Variants in STAG1 observed in about 807,000 individuals in gnomAD.
The protein encoded by STAG1 is cohesin subunit SA-1.
In STAG1, 26 loss-of-function variants were observed where a neutral mutation model predicts 170.9. The observed-to-expected ratio is 0.15, with a 90% CI of 0.11 to 0.21. The LOEUF (loss-of-function observed/expected upper bound fraction) is 0.21, where lower values mean the gene tolerates loss of function less well. Ranked by LOEUF, STAG1 falls within the 10% of genes least tolerant of loss-of-function variation. The pLI, the probability that STAG1 is intolerant of heterozygous loss-of-function variation, is 1.00. For synonymous variants in STAG1, 514 were observed against 497.7 expected, an observed-to-expected ratio of 1.03 and a Z score of -0.44; for missense variants, 964 against 1,509.5, an observed-to-expected ratio of 0.64 and a Z score of 5.99.
At chr3:136,568,921 A>G in intron 4 of STAG1, 60 bp from the exon 5 acceptor site, 1 of 1,285,242 alleles carries the variant, frequency 7.8e-7, no homozygotes, top group African/African-American at 1.5e-5. Context: ...TAGCAAATAA[A>G]TTTTCAAAAA....
chr3:136,660,120 T>G (rs1380242568), intron 1 of STAG1, among the ~76,000 whole-genome samples: 3 of 152,234 alleles, frequency 2.0e-5, no homozygotes, highest in Non-Finnish European at 4.4e-5. Context: ...ATGACAAATG[T>G]GGAGGCAAAC....
intron 1 of STAG1, among the ~76,000 whole-genome samples, chr3:136,750,624 G>A (rs1935179019): frequency 6.6e-6 from 1 of 152,186 alleles, no homozygotes. Flanking sequence ...TTGTGAAAAT[G>A]ACCACTGGTA....
chr3:136,395,009 G>T (rs2087111819), intron 22 of STAG1, among the ~76,000 whole-genome samples: 1 of 151,256 alleles, frequency 6.6e-6, no homozygotes, highest in African/African-American at 2.4e-5. Context: ...CTACTTCAGG[G>T]GCTGAGGTGG....
intron 12 of STAG1, among the ~76,000 whole-genome samples, chr3:136,467,825 C>T (rs1408939213): frequency 6.6e-6 from 1 of 152,180 alleles, no homozygotes; most frequent in Non-Finnish European, 1.5e-5. Flanking sequence ...GACCACAGTG[C>T]AATCAAACTA....
chr3:136,730,843 T>C (rs1220363221), intron 1 of STAG1, among the ~76,000 whole-genome samples: 2 of 152,226 alleles, frequency 1.3e-5, no homozygotes, highest in Non-Finnish European at 2.9e-5. Context: ...AGTAACACTT[T>C]CTGAAGAGGT....
At chr3:136,521,484 C>A in intron 6 of STAG1, 67 bp from the exon 7 acceptor site, 1 of 1,409,176 alleles carries the variant, frequency 7.1e-7, no homozygotes, top group Non-Finnish European at 9.8e-7. Flanking sequence ...CTTTTTTTTT[C>A]TTCCTACCTA....
chr3:136,374,949 T>C (rs112399812), intron 23 of STAG1, among the ~76,000 whole-genome samples: 6 of 152,168 alleles, frequency 3.9e-5, no homozygotes, highest in African/African-American at 9.7e-5. Flanking sequence ...ATTTTAGATA[T>C]GTTTAGATAT....
intron 1 of STAG1, among the ~76,000 whole-genome samples, chr3:136,710,829 A>G (rs1319878838): frequency 3.3e-5 from 5 of 152,106 alleles, no homozygotes; most frequent in Non-Finnish European, 5.9e-5. Flanking sequence ...TTGTGTTTGT[A>G]TTTCAATATA....
intron 24 of STAG1, among the ~76,000 whole-genome samples, chr3:136,367,984 CCTT>C (rs1937146675): frequency 6.6e-6 from 1 of 152,140 alleles, no homozygotes; most frequent in Non-Finnish European, 1.5e-5. Flanking sequence ...TTGGAATCAA[CCTT>C]CTTTCTTCTC....
chr3:136,751,414 C>T (rs1329694085), intron 1 of STAG1, among the ~76,000 whole-genome samples: 3 of 152,142 alleles, frequency 2.0e-5, no homozygotes, highest in Non-Finnish European at 4.4e-5. Context: ...CTCTAGTTTC[C>T]CACCCCGCCC....
At chr3:136,493,010 G>C (rs187054823) in intron 9 of STAG1, among the ~76,000 whole-genome samples, 1 of 152,166 alleles carries the variant, frequency 6.6e-6, no homozygotes, top group African/African-American at 2.4e-5. Context: ...AGTTGAGAAA[G>C]GAGGAAGGAT....
chr3:136,528,807 G>C (rs553011141), intron 6 of STAG1, among the ~76,000 whole-genome samples: 1 of 151,966 alleles, frequency 6.6e-6, no homozygotes. Context: ...GTATGTGCCT[G>C]TATTCCCAGC....
intron 1 of STAG1, among the ~76,000 whole-genome samples, chr3:136,641,541 T>C (rs1940799605): frequency 6.6e-6 from 1 of 152,214 alleles, no homozygotes; most frequent in Admixed American, 6.5e-5. Flanking sequence ...ATGCATAACC[T>C]GAATTTAATC....
In STAG1 at chr3:136,679,395, C is replaced by T. The variant is rs891951149; in HGVS notation, c.-83-48414G>A. ...AGGAGTTCGAGACCAGCCTGTCCAA[C>T]ATGGTGAAACCACATCTCTACAAAA... On this transcript the variant is annotated intron_variant, in intron 1 of 33. Transcript: ENST00000383202. 7.8e-4 allele frequency among the ~76,000 whole-genome samples: 119 copies of T among 152,032 alleles called. 1 individual carries two copies. The highest frequency in any genetic ancestry group is 2.8e-3 in the African/African-American group (117 of 41,490).
chr3:136,678,166 AT>A (rs1942200434), intron 1 of STAG1, among the ~76,000 whole-genome samples: 1 of 150,956 alleles, frequency 6.6e-6, no homozygotes, highest in Non-Finnish European at 1.5e-5. Flanking sequence ...AATCAAAACA[AT>A]TTCTACTTTA....
At chr3:136,675,554 A>G (rs191405648) in intron 1 of STAG1, among the ~76,000 whole-genome samples, 1 of 152,330 alleles carries the variant, frequency 6.6e-6, no homozygotes, top group Admixed American at 6.5e-5. Context: ...GTTGAGATAT[A>G]CAATTCACGT....
chr3:136,366,295 C>A (rs983330377), intron 25 of STAG1, among the ~76,000 whole-genome samples: 1 of 152,054 alleles, frequency 6.6e-6, no homozygotes, highest in Non-Finnish European at 1.5e-5. Context: ...AGTCTTAGAA[C>A]AGTGTCTCAA....
At chr3:136,485,507 T>C (rs962668638) in intron 9 of STAG1, among the ~76,000 whole-genome samples, 1 of 152,122 alleles carries the variant, frequency 6.6e-6, no homozygotes, top group African/African-American at 2.4e-5. Flanking sequence ...TTCCTAGACC[T>C]ACATAATACT....
At chr3:136,627,498 G>A (rs910351219) in intron 2 of STAG1, among the ~76,000 whole-genome samples, 4 of 152,056 alleles carry the variant, frequency 2.6e-5, no homozygotes, top group South Asian at 4.2e-4. Flanking sequence ...TTCCTGAATG[G>A]CACTCCATAA....
Sources: allele counts gnomAD v4.1 joint callset (sites outside exome capture counted in the v4.1 genomes callset), GRCh38; gene constraint gnomAD v4.1.1; transcripts MANE v1.5; gene names NCBI Gene and HGNC (gene_info 2026-07-23, HGNC 2026-07-21).